Variants in SERAC1 observed in about 807,000 individuals in gnomAD.
SERAC1 encodes serine active site containing 1.
SERAC1 carries 36 observed loss-of-function variants against 85.7 expected under a neutral mutation model. The observed-to-expected ratio is 0.42, with a 90% CI of 0.32 to 0.55. The LOEUF (loss-of-function observed/expected upper bound fraction) is 0.55, where lower values mean the gene tolerates loss of function less well. SERAC1 is among the 20% of genes least tolerant of loss of function. The pLI is 0.11. For synonymous variants in SERAC1, 242 were observed against 265.3 expected, an observed-to-expected ratio of 0.91 and a Z score of 0.85; for missense variants, 629 against 796.2, an observed-to-expected ratio of 0.79 and a Z score of 2.53.
chr6:158,120,454 T>C lies in SERAC1; in HGVS notation c.1137A>G (p.Val379=), dbSNP rs115846131. The C allele has an allele frequency of 7.4e-4, 1,195 of 1,613,992 alleles. 7 individuals carry two copies. The African/African-American group carries it at 0.014, about 19-fold the overall frequency. The change falls in exon 11 of 17, where the codon GTA becomes GTG. Residue 379 remains valine (V), a synonymous_variant. Coordinates refer to ENST00000647468, the MANE Select transcript of SERAC1 (RefSeq NM_032861.4). This position sits in a 1 kb window ranked among gnomAD's most constrained non-coding sequence, Gnocchi z 4.4. ...TTCGATATTGGGGATGCAGCACATA[T>C]ACGCCATCCTGATATTTTTCTTGCA... The part of the protein sequence containing the change: ...ETVQEKYQDG[V]YVLHPQYRTS...
chr6:158,136,195 A>C (rs1784789962), intron 8 of SERAC1, among the ~76,000 whole-genome samples: 1 of 152,216 alleles, frequency 6.6e-6, no homozygotes, highest in African/African-American at 2.4e-5. Flanking sequence ...GAAAAATTTT[A>C]ATTAACTTCA....
chr6:158,162,986 A>G (rs753253311), intron 1 of SERAC1, among the ~76,000 whole-genome samples: 1 of 152,218 alleles, frequency 6.6e-6, no homozygotes, highest in African/African-American at 2.4e-5. Flanking sequence ...GTACGTGCAC[A>G]TCGAGGCTCC....
At position 158,120,244 on chromosome 6, in the gene SERAC1, AC is replaced by A. The variant is rs1784386782; in HGVS notation, c.1166+180del. Among the ~76,000 whole-genome samples, 2 of 152,230 alleles carry A rather than the reference AC, an allele frequency of 1.3e-5. No individual in the cohort carries two copies. The highest frequency in any genetic ancestry group is 4.8e-5 in the African/African-American group (2 of 41,454). On this transcript the variant is annotated intron_variant, in intron 11 of 16. Transcript: ENST00000647468. The surrounding 1 kb of genome is among the most constrained non-coding windows in gnomAD (Gnocchi z 4.4). ...CCATGACAATTTAGCTAGTTCACAT[AC>A]TTTTCATGACAACCTCCAATTCTTT...
At chr6:158,114,308 G>T (rs1402225521) in intron 15 of SERAC1, among the ~76,000 whole-genome samples, 2 of 152,056 alleles carry the variant, frequency 1.3e-5, no homozygotes, top group African/African-American at 4.8e-5. Flanking sequence ...AGAGAAAATA[G>T]GAGCAAAAAG....
chr6:158,131,046 G>A (rs1203069130), intron 8 of SERAC1, among the ~76,000 whole-genome samples: 1 of 151,418 alleles, frequency 6.6e-6, no homozygotes, highest in East Asian at 1.9e-4. Context: ...AGAGTAGTGG[G>A]GACTATTTCT....
intron 5 of SERAC1, among the ~76,000 whole-genome samples, chr6:158,148,565 T>C (rs9356398): frequency 0.46 from 70,338 of 151,576 alleles, 16,608 homozygotes; most frequent in Admixed American, 0.61. Flanking sequence ...GCCTCAGCCT[T>C]CCGAGTAGCT....
At chr6:158,114,347 G>C (rs1053890167) in intron 15 of SERAC1, 2 of 313,944 alleles carry the variant, frequency 6.4e-6, no homozygotes, top group Non-Finnish European at 9.3e-6. Context: ...CTCGAGCCAG[G>C]GAATCCAAAT....
In SERAC1 at chr6:158,143,143, G is replaced by C; in HGVS notation, c.651C>G (p.Ser217=). 1 of 1,613,662 alleles carries C rather than the reference G, an allele frequency of 6.2e-7. No homozygotes were observed. Among genetic ancestry groups the C allele is most frequent in the Non-Finnish European group, 8.5e-7 (1 of 1,179,744 alleles). ...ACTCATCTAGCTCTGTTTGAGGTAA[G>C]GAAGCCAGCAACTGTCTGAGCTCTT... is the stretch of plus-strand genomic sequence containing the variant. ...TEEELRQLLA[S]LPQTELDECI... Residue 217 remains serine (S), a synonymous_variant, in exon 8 of 17, where the codon TCC becomes TCG. Coordinates refer to ENST00000647468, the MANE Select transcript of SERAC1 (RefSeq NM_032861.4).
At position 158,113,592 on chromosome 6, in the gene SERAC1, T is replaced by C; in HGVS notation, c.1685A>G (p.Asp562Gly). The C allele has an allele frequency of 6.2e-7, 1 of 1,612,476 alleles. No individual in the cohort carries two copies. Among genetic ancestry groups the C allele is most frequent in the Non-Finnish European group, 8.5e-7 (1 of 1,178,910 alleles). Residue 562 changes from aspartate (D) to glycine (G), a missense_variant and splice_region_variant, in exon 16 of 17, where the codon GAT (aspartate) becomes GGT (glycine). By Grantham distance (94) the Asp-to-Gly change is moderately conservative. Coordinates refer to ENST00000647468, the MANE Select transcript of SERAC1 (RefSeq NM_032861.4). ...PSLEVKELSK[D>G]SPALKTLQDD... Reference sequence around the variant, plus strand: ...TTGTAGTGTTTTAAGTGCAGGAGAATCTGTAAAATTATACAGAACAAGACT... The same window carrying C: ...TTGTAGTGTTTTAAGTGCAGGAGAACCTGTAAAATTATACAGAACAAGACT...
Position 158,120,877 on chromosome 6 carries a change from G to A in SERAC1, c.1016-302C>T, listed in dbSNP as rs1163802035. ...AGAGGTGTTCATAGCAGTTATAGAG[G>A]TGTTCACAAAAGTGAACAAAATACC... On this transcript the variant is annotated intron_variant, in intron 10 of 16. Coordinates refer to ENST00000647468, the MANE Select transcript of SERAC1 (RefSeq NM_032861.4). This position sits in a 1 kb window ranked among gnomAD's most constrained non-coding sequence, Gnocchi z 4.4. Among the ~76,000 whole-genome samples the A allele has an allele frequency of 2.6e-5, 4 of 152,204 alleles. No individual in the cohort carries two copies. The East Asian group carries it at 7.7e-4, about 29-fold the overall frequency.
Position 158,113,458 on chromosome 6 carries a change from C to T in SERAC1, c.1819G>A (p.Glu607Lys). 1 of 1,612,214 alleles carries T rather than the reference C, an allele frequency of 6.2e-7. No homozygotes were observed. Among genetic ancestry groups the T allele is most frequent in the South Asian group, 1.1e-5 (1 of 90,804 alleles). ...TCAAAAGAGTGAATACCTGCTGATT[C>T]CACAGGTACCACATGGAGCTTAATC... Reference protein sequence around the residue: ...SMIKLHVVPVESADLGIGDLI... With the variant: ...SMIKLHVVPVKSADLGIGDLI... The change falls in exon 16 of 17, where the codon GAA (glutamate) becomes AAA (lysine). Residue 607 changes from glutamate (E) to lysine (K), a missense_variant. Transcript: ENST00000647468.
At chr6:158,137,744 T>C (rs6917973) in intron 8 of SERAC1, among the ~76,000 whole-genome samples, 2,298 of 151,980 alleles carry the variant, frequency 0.015, 64 homozygotes, top group African/African-American at 0.052. Context: ...CCAGGCATAG[T>C]GGTACACGCC....
At chr6:158,154,761 T>C (rs1218329466) in intron 3 of SERAC1, among the ~76,000 whole-genome samples, 2 of 152,212 alleles carry the variant, frequency 1.3e-5, no homozygotes, top group East Asian at 3.8e-4. Context: ...CCAAAATACT[T>C]TTGACCATAG....
intron 8 of SERAC1, among the ~76,000 whole-genome samples, chr6:158,138,854 A>G (rs1035066590): frequency 6.6e-6 from 1 of 152,230 alleles, no homozygotes; most frequent in African/African-American, 2.4e-5. Flanking sequence ...CACCAACAGC[A>G]CAAACAACAA....
intron 8 of SERAC1, among the ~76,000 whole-genome samples, chr6:158,132,202 A>G (rs1227172942): frequency 2.0e-5 from 3 of 152,208 alleles, no homozygotes; most frequent in Non-Finnish European, 4.4e-5. Context: ...TATAAAGCCC[A>G]GTGTTTTCCA....
At chr6:158,111,666 T>C (rs1227196806) in intron 16 of SERAC1, 164 bp from the exon 17 acceptor site, 1 of 513,454 alleles carries the variant, frequency 1.9e-6, no homozygotes, top group Admixed American at 3.7e-5. Context: ...AAACTACATT[T>C]GATGAAACAT....
intron 13 of SERAC1, 52 bp from the exon 14 acceptor site, chr6:158,116,334 T>A: frequency 6.9e-7 from 1 of 1,441,214 alleles, no homozygotes; most frequent in Non-Finnish European, 9.7e-7. Flanking sequence ...ATCCCCTCAA[T>A]TTGCTGTCTA....
At chr6:158,167,281 G>A (rs559393899) in intron 1 of SERAC1, among the ~76,000 whole-genome samples, 1 of 139,092 alleles carries the variant, frequency 7.2e-6, no homozygotes, top group Non-Finnish European at 1.5e-5. Flanking sequence ...GCTCACACCT[G>A]TAATCGCAGC....
In SERAC1 at chr6:158,121,539, C is replaced by T. The variant is rs192201454; in HGVS notation, c.1016-964G>A. ...GCCCAGGCCCAGCAGGCACTCAATA[C>T]ACGACAGCTGTCCCCATGCCCTTCT... is the stretch of plus-strand genomic sequence containing the variant. On this transcript the variant is annotated intron_variant, in intron 10 of 16. Coordinates refer to ENST00000647468, the MANE Select transcript of SERAC1 (RefSeq NM_032861.4). Among the ~76,000 whole-genome samples, 203 of 152,256 alleles carry T rather than the reference C, an allele frequency of 1.3e-3. 1 individual carries two copies. Among genetic ancestry groups the T allele is most frequent in the African/African-American group, 4.6e-3 (192 of 41,570 alleles).
Sources: allele counts gnomAD v4.1 joint callset (sites outside exome capture counted in the v4.1 genomes callset), GRCh38; gene constraint gnomAD v4.1.1; non-coding constraint Gnocchi (gnomAD v3.1); transcripts MANE v1.5; gene names NCBI Gene and HGNC (gene_info 2026-07-23, HGNC 2026-07-21).